Variants in C20orf204 observed in about 807,000 individuals in gnomAD.
C20orf204 encodes uncharacterized protein C20orf204.
A neutral mutation model predicts 3.6 loss-of-function variants in C20orf204; 6 were observed. That is an observed-to-expected ratio of 1.68 (90% CI 0.92 to 3.31). The LOEUF is 3.31. Among genes scored for constraint, C20orf204 ranks in the 30% most tolerant of loss-of-function variants. The probability of loss-of-function intolerance (pLI) is 0.00; values close to 1 mark genes in which losing one functional copy is unlikely to be tolerated. For missense variants in C20orf204, 167 were observed against 89.7 expected (o/e 1.86, Z -3.48); for synonymous variants, 80 against 41.4 (o/e 1.93, Z -3.58).
rs929035087 is a variant in C20orf204, at chr20:64,038,156, G to C, written c.233G>C (p.Ser78Thr). 6 of 578,824 alleles carry C rather than the reference G, an allele frequency of 1.0e-5. No individual in the cohort carries two copies. The African/African-American group carries it at 1.2e-4, about 12-fold the overall frequency. 35.9% of individuals were successfully genotyped at this position (578,824 alleles called of 1,614,324 possible). ...CAGAAAAACCTGACTAGACCCGGGA[G>C]CTCGGGACGGCGGGGACGGCCTCGG... The part of the protein sequence containing the change: ...FIQKNLTRPG[S>T]SGRRGRPRAS... The change falls in exon 2 of 4, where the codon AGC becomes ACC. Residue 78 changes from serine to threonine, a missense_variant. By Grantham distance (58) the Ser-to-Thr change is moderately conservative. Transcript: ENST00000636176.
At position 64,038,281 on chromosome 20, in the gene C20orf204, C is replaced by T. The variant is rs535425633; in HGVS notation, c.280-15C>T. On this transcript the variant is annotated splice_polypyrimidine_tract_variant and intron_variant, in intron 2 of 3. Coordinates refer to ENST00000636176, the MANE Select transcript of C20orf204 (RefSeq NM_001387010.1). The stretch of plus-strand genomic sequence containing the variant: ...CCCCCCACCCCCACCCCGCCTTCCT[C>T]CCTTCCCTCCCCAGGAGCACAGTAT... 5.3e-6 allele frequency: 4 copies of T among 749,056 alleles called. No homozygotes were observed. In the South Asian group the frequency reaches 5.6e-5, roughly 10 times the overall value. 46.4% of individuals were successfully genotyped at this position (749,056 alleles called of 1,614,324 possible).
At chr20:64,034,422 G>A (rs2059330569), upstream of C20orf204, 1 of 152,384 alleles carries the variant, frequency 6.6e-6, no homozygotes, top group Non-Finnish European at 1.5e-5. Context: ...TGGTTCTGGG[G>A]ACCTTGAGGA....
chr20:64,038,507 C>G, intron 3 of C20orf204, 59 bp downstream of exon 3: 3 of 622,220 alleles, frequency 4.8e-6, no homozygotes, highest in Non-Finnish European at 8.6e-6. Context: ...AGGGCCGCCG[C>G]GCGTCCCGGG....
At position 64,038,974 on chromosome 20, in the gene C20orf204, A is replaced by G. The variant is rs757711023; in HGVS notation, c.*215A>G. 2.8e-6 allele frequency: 2 copies of G among 714,436 alleles called. No homozygotes were observed. Among genetic ancestry groups the G allele is most frequent in the Admixed American group, 1.9e-5 (1 of 52,384 alleles). The allele number at this position is 714,436 out of a possible 1,614,324, so 44.3% of individuals were successfully genotyped here. A position where few individuals can be genotyped will look rare whatever the true frequency, so the allele number is the denominator to read the frequency against. On this transcript the variant is annotated 3_prime_UTR_variant, in exon 4 of 4. Transcript: ENST00000636176. ...CCCTCCACGCGCCGAAGGCCTCAAT[A>G]AACGGAGCTGGCGCTGCGGGTCCGG...
At chr20:64,034,011 G>A (rs1209408010), upstream of C20orf204, among the ~76,000 whole-genome samples, 1 of 152,234 alleles carries the variant, frequency 6.6e-6, no homozygotes, top group Non-Finnish European at 1.5e-5. Context: ...TCAGTTGGGA[G>A]CCAGCTGGTT....
At chr20:64,033,759 A>G (rs1471606257), upstream of C20orf204, among the ~76,000 whole-genome samples, 2 of 152,196 alleles carry the variant, frequency 1.3e-5, no homozygotes, top group Non-Finnish European at 2.9e-5. Flanking sequence ...CATCTGCCTC[A>G]GCTTCCCAAA....
chr20:64,038,372 C>A lies in C20orf204; in HGVS notation c.356C>A (p.Ala119Asp). The change falls in exon 3 of 4, where the codon GCC (alanine) becomes GAC (aspartate). Residue 119 changes from alanine (A) to aspartate (D), a missense_variant. By Grantham distance (126) the Ala-to-Asp change is moderately radical (BLOSUM62 -2). Coordinates refer to ENST00000636176, the MANE Select transcript of C20orf204 (RefSeq NM_001387010.1). ...RGAVAGGRRG[A>D]LERAAWTVAV... ...GCGGTGGCCGGGGGCCGCCGCGGGG[C>A]CCTGGAGAGAGCTGCTTGGACCGTG... 1 of 768,496 alleles carries A rather than the reference C, an allele frequency of 1.3e-6. No homozygotes were observed. The highest frequency in any genetic ancestry group is 2.4e-6 in the Non-Finnish European group (1 of 413,904). 47.6% of individuals were successfully genotyped at this position (768,496 alleles called of 1,614,324 possible). A position where few individuals can be genotyped will look rare whatever the true frequency, so the allele number is the denominator to read the frequency against.
Position 64,038,288 on chromosome 20 carries a change from C to G in C20orf204, c.280-8C>G, listed in dbSNP as rs1333422176. 1 of 754,736 alleles carries G rather than the reference C, an allele frequency of 1.3e-6. No individual in the cohort carries two copies. Among genetic ancestry groups the G allele is most frequent in the Non-Finnish European group, 2.5e-6 (1 of 407,138 alleles). 46.8% of individuals were successfully genotyped at this position (754,736 alleles called of 1,614,324 possible). A position where few individuals can be genotyped will look rare whatever the true frequency, so the allele number is the denominator to read the frequency against. The stretch of plus-strand genomic sequence containing the variant: ...CCCCCACCCCGCCTTCCTCCCTTCC[C>G]TCCCCAGGAGCACAGTATCCTCCTG... On this transcript the variant is annotated splice_region_variant and splice_polypyrimidine_tract_variant and intron_variant, in intron 2 of 3. Coordinates refer to ENST00000636176, the MANE Select transcript of C20orf204 (RefSeq NM_001387010.1).
intron 3 of C20orf204, 51 bp from the exon 4 acceptor site, chr20:64,038,571 G>T: frequency 1.9e-6 from 1 of 518,322 alleles, no homozygotes; most frequent in Admixed American, 4.2e-5. Context: ...TTCCCGGGCC[G>T]GGCCGGGCGC....
intron 1 of C20orf204, chr20:64,037,213 C>T (rs569378208): frequency 6.6e-6 from 1 of 152,520 alleles, no homozygotes; most frequent in East Asian, 1.9e-4. Context: ...CCTTTTGCGA[C>T]TGTTGGTTGG....
At chr20:64,038,591 G>T in intron 3 of C20orf204, 31 bp from the exon 4 acceptor site, 1 of 522,844 alleles carries the variant, frequency 1.9e-6, no homozygotes, top group Non-Finnish European at 3.3e-6. Flanking sequence ...CGGGGGCCGT[G>T]CGCATTCGCT....
chr20:64,038,590 T>G (rs1601540489), intron 3 of C20orf204, 32 bp from the exon 4 acceptor site: 2 of 520,476 alleles, frequency 3.8e-6, no homozygotes, highest in Non-Finnish European at 6.7e-6. Context: ...GCGGGGGCCG[T>G]GCGCATTCGC....
rs545084630 is a variant in C20orf204 at position 64,038,776 on chromosome 20, C to T, written c.*17C>T. 49 of 697,886 alleles carry T rather than the reference C, an allele frequency of 7.0e-5. No individual in the cohort carries two copies. The East Asian group carries it at 8.1e-4, about 12-fold the overall frequency. 43.2% of individuals were successfully genotyped at this position (697,886 alleles called of 1,614,324 possible). A position where few individuals can be genotyped will look rare whatever the true frequency, so the allele number is the denominator to read the frequency against. On this transcript the variant is annotated 3_prime_UTR_variant, in exon 4 of 4. Coordinates refer to ENST00000636176, the MANE Select transcript of C20orf204 (RefSeq NM_001387010.1). ...GACTCCTAGCGCGGCCCGTCCTGGC[C>T]CTGCGCGGGGAGGAGAACCAGCGGG... is the stretch of plus-strand genomic sequence containing the variant.
At chr20:64,034,101 C>A (rs2059329587), upstream of C20orf204, among the ~76,000 whole-genome samples, 1 of 152,188 alleles carries the variant, frequency 6.6e-6, no homozygotes, top group South Asian at 2.1e-4. Context: ...TCGTTGAGGC[C>A]AGCGGGCGGG....
rs759809843 is a variant in C20orf204, at chr20:64,038,950, C to T, written c.*191C>T. The T allele has an allele frequency of 2.9e-5, 21 of 723,240 alleles. No individual in the cohort carries two copies. In the East Asian group the frequency reaches 3.5e-4, roughly 12 times the overall value. The allele number at this position is 723,240 out of a possible 1,614,324, so 44.8% of individuals were successfully genotyped here. ...CCGCTGGGTCACGGAGGAGGCCCGC[C>T]CTCCACGCGCCGAAGGCCTCAATAA... On this transcript the variant is annotated 3_prime_UTR_variant, in exon 4 of 4. Transcript: ENST00000636176.
At position 64,038,067 on chromosome 20, in the gene C20orf204, C is replaced by G. The variant is rs2059344457; in HGVS notation, c.144C>G (p.Ala48=). The part of the protein sequence containing the change: ...RAIIFEDLQA[A]VKWGGAGAEK... ...TCATCTTCGAGGATCTGCAGGCCGCCGTGAAGTGGGGCGGGGCGGGGGCCG... is the reference window on the plus strand; with the variant it reads ...TCATCTTCGAGGATCTGCAGGCCGCGGTGAAGTGGGGCGGGGCGGGGGCCG... The change falls in exon 2 of 4, where the codon GCC becomes GCG. Residue 48 remains alanine, a synonymous_variant. Transcript: ENST00000636176. The G allele has an allele frequency of 1.9e-6, 1 of 523,942 alleles. No homozygotes were observed. Among genetic ancestry groups the G allele is most frequent in the Admixed American group, 3.9e-5 (1 of 25,798 alleles). 32.5% of individuals were successfully genotyped at this position (523,942 alleles called of 1,614,324 possible).
chr20:64,038,947 C>A lies in C20orf204; in HGVS notation c.*188C>A. 2 of 723,308 alleles carry A rather than the reference C, an allele frequency of 2.8e-6. No individual in the cohort carries two copies. Among genetic ancestry groups the A allele is most frequent in the East Asian group, 2.7e-5 (1 of 37,288 alleles). 44.8% of individuals were successfully genotyped at this position (723,308 alleles called of 1,614,324 possible). ...CCGCCGCTGGGTCACGGAGGAGGCC[C>A]GCCCTCCACGCGCCGAAGGCCTCAA... On this transcript the variant is annotated 3_prime_UTR_variant, in exon 4 of 4. Transcript: ENST00000636176.
At position 64,038,154 on chromosome 20, in the gene C20orf204, G is replaced by A; in HGVS notation, c.231G>A (p.Gly77=). ...HFIQKNLTRP[G]SSGRRGRPRA... ...TACAGAAAAACCTGACTAGACCCGG[G>A]AGCTCGGGACGGCGGGGACGGCCTC... The change falls in exon 2 of 4, where the codon GGG becomes GGA. Residue 77 remains glycine, a synonymous_variant. Transcript: ENST00000636176. The A allele has an allele frequency of 1.7e-6, 1 of 577,540 alleles. No individual in the cohort carries two copies. The highest frequency in any genetic ancestry group is 2.1e-5 in the South Asian group (1 of 47,588). 35.8% of individuals were successfully genotyped at this position (577,540 alleles called of 1,614,324 possible).
chr20:64,038,986 C>T lies in C20orf204; in HGVS notation c.*227C>T, dbSNP rs374882117. 101 of 703,570 alleles carry T rather than the reference C, an allele frequency of 1.4e-4. No individual in the cohort carries two copies. In the African/African-American group the frequency reaches 1.5e-3, roughly 11 times the overall value. 43.6% of individuals were successfully genotyped at this position (703,570 alleles called of 1,614,324 possible). A position where few individuals can be genotyped will look rare whatever the true frequency, so the allele number is the denominator to read the frequency against. On this transcript the variant is annotated 3_prime_UTR_variant, in exon 4 of 4. Transcript: ENST00000636176. ...CGAAGGCCTCAATAAACGGAGCTGG[C>T]GCTGCGGGTCCGGCACTCCCTTCGC...
Sources: gnomAD v4.1 joint callset for allele counts (sites outside exome capture counted in the v4.1 genomes callset) on GRCh38, gnomAD v4.1.1 for gene constraint, MANE v1.5 for transcripts, NCBI Gene and HGNC (gene_info 2026-07-23, HGNC 2026-07-21) for gene names.